Variants in ZC3H6 observed in about 807,000 individuals in gnomAD.
The protein encoded by ZC3H6 is zinc finger CCCH-type containing 6, also known as zinc finger CCCH domain-containing protein 6.
ZC3H6 carries 40 observed loss-of-function variants against 107.7 expected under a neutral mutation model. That is an observed-to-expected ratio of 0.37 (90% CI 0.29 to 0.48). The LOEUF (loss-of-function observed/expected upper bound fraction) is 0.48, where lower values mean the gene tolerates loss of function less well. Ranked by LOEUF, ZC3H6 falls within the 20% of genes least tolerant of loss-of-function variation. ZC3H6 has a pLI of 0.98. For missense variants in ZC3H6, 1,267 were observed against 1,410.4 expected, an observed-to-expected ratio of 0.90 and a Z score of 1.63; for synonymous variants, 493 against 487.9, an observed-to-expected ratio of 1.01 and a Z score of -0.14.
chr2:112,299,366 C>T (rs1007199019), intron 1 of ZC3H6, among the ~76,000 whole-genome samples: 7 of 151,998 alleles, frequency 4.6e-5, no homozygotes, highest in African/African-American at 1.7e-4. Flanking sequence ...TCGCCAAGGG[C>T]AGCCCATTCT....
At chr2:112,296,704 T>A (rs1240608271) in intron 1 of ZC3H6, among the ~76,000 whole-genome samples, 1 of 152,184 alleles carries the variant, frequency 6.6e-6, no homozygotes. Context: ...TAGGGTCGTA[T>A]CATATGCCTC....
intron 1 of ZC3H6, among the ~76,000 whole-genome samples, chr2:112,288,520 G>A (rs1686652998): frequency 1.3e-5 from 2 of 152,216 alleles, no homozygotes; most frequent in South Asian, 4.1e-4. Flanking sequence ...TGTAGACAAG[G>A]AAACTGAATG....
rs370811853 is a variant in ZC3H6, at chr2:112,331,484, T to C, written c.2566T>C (p.Leu856=). The C allele has an allele frequency of 7.7e-5, 124 of 1,613,846 alleles. No homozygotes were observed. The highest frequency in any genetic ancestry group is 1.0e-4 in the Non-Finnish European group (118 of 1,179,894). The part of the protein sequence containing the change: ...GIMLQDPRSQ[L]RQFSHIKMDI... ...AATGCTCCAGGATCCAAGGTCACAA[T>C]TGAGACAGTTCAGTCACATTAAAAT... Residue 856 remains leucine (L), a synonymous_variant, in exon 12 of 12, where the codon TTG becomes CTG. Coordinates refer to ENST00000409871, the MANE Select transcript of ZC3H6 (RefSeq NM_198581.3).
chr2:112,301,931 A>G (rs1676386527), intron 2 of ZC3H6, among the ~76,000 whole-genome samples: 3 of 152,030 alleles, frequency 2.0e-5, no homozygotes, highest in Admixed American at 1.3e-4. Context: ...AATTCAAATC[A>G]TAAGAAATTT....
In ZC3H6 at chr2:112,289,816, C is replaced by T. The variant is rs188793399; in HGVS notation, c.33-10033C>T. Among the ~76,000 whole-genome samples, 51 of 152,350 alleles carry T rather than the reference C, an allele frequency of 3.3e-4. No homozygotes were observed. The East Asian group carries it at 8.3e-3, about 25-fold the overall frequency. On this transcript the variant is annotated intron_variant, in intron 1 of 11. Transcript: ENST00000409871. ...AATACAATGGCCCAATGACAGCTTA[C>T]TCTAGCCTCGACCTCCCAGGCTCAG...
At chr2:112,323,014 A>G in intron 9 of ZC3H6, 112 bp downstream of exon 9, 1 of 1,177,598 alleles carries the variant, frequency 8.5e-7, no homozygotes, top group Non-Finnish European at 1.2e-6. Context: ...TAGAGATAGC[A>G]CATATCTGGC....
chr2:112,314,075 G>T (rs1487491811), intron 5 of ZC3H6, among the ~76,000 whole-genome samples: 5 of 151,830 alleles, frequency 3.3e-5, no homozygotes, highest in Admixed American at 6.6e-5. Context: ...AATATTTTAT[G>T]CTCTTGTCTC....
In ZC3H6 at chr2:112,338,814, G is replaced by T. The variant is rs925167909; in HGVS notation, c.*6326G>T. On this transcript the variant is annotated 3_prime_UTR_variant, in exon 12 of 12. Transcript: ENST00000409871. ...CCTCCATTACCACTAATATCTTGGG[G>T]TTGTCAATGATAGACTATATATATA... 9.2e-5 allele frequency: 13 copies of T among 141,018 alleles called. No individual in the cohort carries two copies. Among genetic ancestry groups the T allele is most frequent in the African/African-American group, 3.3e-4 (13 of 39,324 alleles). The allele number at this position is 141,018 out of a possible 1,614,324, so 8.7% of individuals were successfully genotyped here. A position where few individuals can be genotyped will look rare whatever the true frequency, so the allele number is the denominator to read the frequency against.
rs1686413554 is a variant in ZC3H6 at position 112,276,127 on chromosome 2, C to G, written c.32+101C>G. On this transcript the variant is annotated intron_variant, in intron 1 of 11. Transcript: ENST00000409871. ...GGCGCCTCCTGCATGACCTAGACGT[C>G]TCTGTGTGGCTCCGTCAGTTCCATG... 9.0e-6 allele frequency: 9 copies of G among 996,934 alleles called. No individual in the cohort carries two copies. In the East Asian group the frequency reaches 1.9e-4, roughly 21 times the overall value. 61.8% of individuals were successfully genotyped at this position (996,934 alleles called of 1,614,324 possible).
At chr2:112,283,581 G>GT (rs2104692809) in intron 1 of ZC3H6, among the ~76,000 whole-genome samples, 1 of 152,292 alleles carries the variant, frequency 6.6e-6, no homozygotes, top group East Asian at 1.9e-4. Flanking sequence ...ATATATCAGA[G>GT]TTTGTAATTT....
intron 3 of ZC3H6, among the ~76,000 whole-genome samples, chr2:112,307,462 A>G (rs902992441): frequency 3.3e-5 from 5 of 152,078 alleles, no homozygotes; most frequent in African/African-American, 4.8e-5. Flanking sequence ...TACAAAAGCT[A>G]TCTATTTTTG....
intron 4 of ZC3H6, among the ~76,000 whole-genome samples, chr2:112,311,451 C>T (rs966328355): frequency 2.6e-5 from 4 of 152,052 alleles, no homozygotes; most frequent in African/African-American, 9.7e-5. Context: ...GCTAATTAAC[C>T]ACTGATACCT....
rs775512404 is a variant in ZC3H6 at position 112,303,308 on chromosome 2, AAAG to A, written c.296_298del (p.Arg99del). 9 of 1,613,418 alleles carry A rather than the reference AAAG, an allele frequency of 5.6e-6. No individual in the cohort carries two copies. Among genetic ancestry groups the A allele is most frequent in the Non-Finnish European group, 7.6e-6 (9 of 1,179,544 alleles). On this transcript the variant is annotated inframe_deletion, in exon 3 of 12. Coordinates refer to ENST00000409871, the MANE Select transcript of ZC3H6 (RefSeq NM_198581.3). Reference sequence around the variant, plus strand: ...GAACATACAGAAAGTTCCCATAAAAAAAGAACTGGTTTCTACAGGGATTATGAC... The same window carrying A: ...GAACATACAGAAAGTTCCCATAAAAAAACTGGTTTCTACAGGGATTATGAC...
Position 112,275,814 on chromosome 2 carries a change from AATAG to A in ZC3H6, c.-179_-176del, listed in dbSNP as rs1429491611. 1.9e-6 allele frequency: 1 copy of A among 515,820 alleles called. No individual in the cohort carries two copies. Among genetic ancestry groups the A allele is most frequent in the Non-Finnish European group, 3.5e-6 (1 of 286,560 alleles). 32.0% of individuals were successfully genotyped at this position (515,820 alleles called of 1,614,324 possible). On this transcript the variant is annotated 5_prime_UTR_variant, in exon 1 of 12. Coordinates refer to ENST00000409871, the MANE Select transcript of ZC3H6 (RefSeq NM_198581.3). ...GCCCCATCTCTCTGGCGTGGTTGTT[AATAG>A]ACTGGAAAGTCTGTGTCTGTGTCGC...
chr2:112,287,752 C>T (rs1171910154), intron 1 of ZC3H6, among the ~76,000 whole-genome samples: 2 of 152,190 alleles, frequency 1.3e-5, no homozygotes, highest in Admixed American at 1.3e-4. Flanking sequence ...CAGGCGCATG[C>T]CACCACGCCC....
chr2:112,310,119 A>G lies in ZC3H6; in HGVS notation c.571A>G (p.Lys191Glu), dbSNP rs778547303. Residue 191 changes from lysine to glutamate, a missense_variant, in exon 4 of 12, where the codon AAA becomes GAA. By Grantham distance (56) the Lys-to-Glu change is moderately conservative. This residue lies in a region of ZC3H6 where 337 missense variants were observed against 361.2 expected (regional missense o/e 0.93). Coordinates refer to ENST00000409871, the MANE Select transcript of ZC3H6 (RefSeq NM_198581.3). ...TATTGCTTTAGGGTCATCATTTTCT[A>G]AAGAATCAGGAAAAAAACAGAGAAT... ...SNIALGSSFS[K>E]ESGKKQRMKG... 149 of 1,613,254 alleles carry G rather than the reference A, an allele frequency of 9.2e-5. 6 individuals carry two copies. In the South Asian group the frequency reaches 1.5e-3, roughly 17 times the overall value.
intron 11 of ZC3H6, among the ~76,000 whole-genome samples, chr2:112,328,959 A>G (rs1337051805): frequency 1.3e-5 from 2 of 151,256 alleles, no homozygotes; most frequent in African/African-American, 4.9e-5. Context: ...AAAAAAAGTA[A>G]TCTTTCGATA....
intron 1 of ZC3H6, among the ~76,000 whole-genome samples, chr2:112,298,109 G>A (rs1352173892): frequency 1.3e-5 from 2 of 151,902 alleles, no homozygotes; most frequent in Non-Finnish European, 2.9e-5. Context: ...GTGAGACCCT[G>A]TCTCAAAAAA....
chr2:112,301,061 A>G (rs1489935220), intron 2 of ZC3H6, among the ~76,000 whole-genome samples: 2 of 152,260 alleles, frequency 1.3e-5, no homozygotes, highest in African/African-American at 4.8e-5. Flanking sequence ...CAACAGCATC[A>G]GTACAAATGA....
Sources: gnomAD v4.1 joint callset for allele counts (sites outside exome capture counted in the v4.1 genomes callset) on GRCh38, gnomAD v4.1.1 for gene constraint, gnomAD v4.1.1 regional missense constraint, MANE v1.5 for transcripts, NCBI Gene and HGNC (gene_info 2026-07-23, HGNC 2026-07-21) for gene names.